SPPL2B: variants seen among roughly 807,000 people sequenced by gnomAD.
The protein encoded by SPPL2B is signal peptide peptidase-like 2B.
Under a neutral mutation model 59.7 loss-of-function variants are expected in SPPL2B, and 39 were observed. That is an observed-to-expected ratio of 0.65 (90% CI 0.51 to 0.85). SPPL2B has a LOEUF of 0.85. SPPL2B is among the 40% of genes least tolerant of loss of function. SPPL2B has a pLI of 0.00. For missense variants in SPPL2B, 865 were observed against 849.0 expected (o/e 1.02, Z -0.23); for synonymous variants, 419 against 370.8 (o/e 1.13, Z -1.49).
intron 5 of SPPL2B, 95 bp from the exon 6 acceptor site, chr19:2,339,729 G>A: frequency 6.8e-7 from 1 of 1,472,782 alleles, no homozygotes; most frequent in Non-Finnish European, 9.2e-7. Context: ...CTGCTCCCGG[G>A]TTTTCTGCCC....
rs759998971 is a variant in SPPL2B, at chr19:2,344,610, C to T, written c.1234C>T (p.Arg412Trp). The T allele has an allele frequency of 1.2e-5, 19 of 1,613,008 alleles. 1 individual carries two copies. In the South Asian group the frequency reaches 1.5e-4, roughly 13 times the overall value. Residue 412 changes from arginine (R) to tryptophan (W), a missense_variant, in exon 12 of 15, where the codon CGG (arginine) becomes TGG (tryptophan). Coordinates refer to ENST00000613503, the MANE Select transcript of SPPL2B (RefSeq NM_152988.3). ...LNSSPLALCD[R>W]PFSLLGFGDI... ...CTCCTCACCTCTGGCCCTGTGTGAC[C>T]GGCCCTTCTCCCTCCTGGGTTTCGG...
At chr19:2,344,504 C>G in intron 11 of SPPL2B, 49 bp from the exon 12 acceptor site, 1 of 1,576,800 alleles carries the variant, frequency 6.3e-7, no homozygotes, top group Non-Finnish European at 8.7e-7. Context: ...AGGCATCCCG[C>G]GGCCGGGTGA....
chr19:2,345,285 A>G lies in SPPL2B; in HGVS notation c.1309A>G (p.Ile437Val). 6.2e-7 allele frequency: 1 copy of G among 1,612,964 alleles called. No homozygotes were observed. The highest frequency in any genetic ancestry group is 8.5e-7 in the Non-Finnish European group (1 of 1,179,672). ...GGTGGCCTACTGCCACAGGTTTGACATCCAGGTACAGTCCTCCAGGGTATA... is the reference window on the plus strand; with the variant it reads ...GGTGGCCTACTGCCACAGGTTTGACGTCCAGGTACAGTCCTCCAGGGTATA... ...LLVAYCHRFD[I>V]QVQSSRVYFV... Residue 437 changes from isoleucine (I) to valine (V), a missense_variant, in exon 13 of 15, where the codon ATC (isoleucine) becomes GTC (valine). By Grantham distance (29) the Ile-to-Val change is conservative. Coordinates refer to ENST00000613503, the MANE Select transcript of SPPL2B (RefSeq NM_152988.3).
Position 2,332,473 on chromosome 19 carries a change from G to A in SPPL2B, c.67-2129G>A, listed in dbSNP as rs1055980115. On this transcript the variant is annotated intron_variant, in intron 1 of 14. Transcript: ENST00000613503. The surrounding 1 kb of genome is among the most constrained non-coding windows in gnomAD (Gnocchi z 4.6). The stretch of plus-strand genomic sequence containing the variant: ...TTTTCCCTTGTGGCGTTGTGGTGTC[G>A]GCCCGTTTGGTGCGCAGCTCAGCAT... 2.0e-5 allele frequency among the ~76,000 whole-genome samples: 3 copies of A among 152,166 alleles called. No homozygotes were observed. Among genetic ancestry groups the A allele is most frequent in the Non-Finnish European group, 4.4e-5 (3 of 68,028 alleles).
intron 8 of SPPL2B, chr19:2,342,998 TG>T: frequency 1.7e-6 from 1 of 575,230 alleles, no homozygotes; most frequent in Non-Finnish European, 3.1e-6. Context: ...GGGTGGGCCC[TG>T]GGGTGGGGCC....
Position 2,353,296 on chromosome 19 carries a change from C to T in SPPL2B, c.*87C>T, listed in dbSNP as rs1219313337. On this transcript the variant is annotated 3_prime_UTR_variant, in exon 15 of 15. Coordinates refer to ENST00000613503, the MANE Select transcript of SPPL2B (RefSeq NM_152988.3). The stretch of plus-strand genomic sequence containing the variant: ...CCACTGGAGACAGACAGACAGACGC[C>T]TGTCCCCCGGGACCGAGGCCTGTGC... 9 of 1,448,236 alleles carry T rather than the reference C, an allele frequency of 6.2e-6. No homozygotes were observed. The highest frequency in any genetic ancestry group is 1.4e-5 in the South Asian group (1 of 72,428). The allele number at this position is 1,448,236 out of a possible 1,614,324, so 89.7% of individuals were successfully genotyped here.
In SPPL2B at chr19:2,352,954, A is replaced by G. The variant is rs765763508; in HGVS notation, c.1524A>G (p.Leu508=). Reference sequence around the variant, plus strand: ...CCTCCCTTCTCCTGTAGAAAGTCCTACCTCCATCTCCGTGGGCCCCAGCAC... The same window carrying G: ...CCTCCCTTCTCCTGTAGAAAGTCCTGCCTCCATCTCCGTGGGCCCCAGCAC... ...FWTGSGFAKV[L]PPSPWAPAPA... The change falls in exon 15 of 15, where the codon CTA becomes CTG. Residue 508 remains leucine, a synonymous_variant. Coordinates refer to ENST00000613503, the MANE Select transcript of SPPL2B (RefSeq NM_152988.3). 3.7e-6 allele frequency: 6 copies of G among 1,609,700 alleles called. No homozygotes were observed. Among genetic ancestry groups the G allele is most frequent in the East Asian group, 4.5e-5 (2 of 44,758 alleles).
At chr19:2,329,066 G>T (rs1287934261) in intron 1 of SPPL2B, among the ~76,000 whole-genome samples, 1 of 152,244 alleles carries the variant, frequency 6.6e-6, no homozygotes, top group Non-Finnish European at 1.5e-5. Flanking sequence ...CTGCTTCTCC[G>T]TTTCGGGGTC....
At chr19:2,349,102 G>A (rs1393094046) in intron 13 of SPPL2B, among the ~76,000 whole-genome samples, 1 of 48,416 alleles carries the variant, frequency 2.1e-5, no homozygotes, top group African/African-American at 8.4e-5. Flanking sequence ...GTTCTCATTC[G>A]CTTGATTCCA....
At chr19:2,339,764 C>T (rs933452379) in intron 5 of SPPL2B, 60 bp from the exon 6 acceptor site, 2 of 1,565,488 alleles carry the variant, frequency 1.3e-6, no homozygotes, top group Non-Finnish European at 1.7e-6. Flanking sequence ...GCTGTGGGCT[C>T]CCGAGCCCCG....
At chr19:2,339,234 G>C (rs367573425) in intron 5 of SPPL2B, 26 bp downstream of exon 5, 1 of 1,594,006 alleles carries the variant, frequency 6.3e-7, no homozygotes, top group African/African-American at 1.3e-5. Context: ...TGCGTGTGCT[G>C]TGACGGGGTC....
In SPPL2B at chr19:2,344,345, A is replaced by G; in HGVS notation, c.1114-17A>G. On this transcript the variant is annotated splice_polypyrimidine_tract_variant and intron_variant, in intron 10 of 14. Coordinates refer to ENST00000613503, the MANE Select transcript of SPPL2B (RefSeq NM_152988.3). ...ACCCCATCACCACGCTCCCTCACTC[A>G]ACCCCATTCTGTGCAGAGTGGGAGC... The G allele has an allele frequency of 8.5e-7, 1 of 1,171,462 alleles. No individual in the cohort carries two copies. Among genetic ancestry groups the G allele is most frequent in the Non-Finnish European group, 1.1e-6 (1 of 907,230 alleles). 72.6% of individuals were successfully genotyped at this position (1,171,462 alleles called of 1,614,324 possible).
intron 14 of SPPL2B, among the ~76,000 whole-genome samples, chr19:2,352,742 C>T (rs1431241860): frequency 6.6e-6 from 1 of 152,206 alleles, no homozygotes; most frequent in Non-Finnish European, 1.5e-5. Flanking sequence ...GGATGGCCCT[C>T]CCGCGGCACC....
chr19:2,340,755 G>A lies in SPPL2B; in HGVS notation c.840-143G>A, dbSNP rs140857322. The A allele has an allele frequency of 1.0e-3, 629 of 605,448 alleles. 3 individuals carry two copies. In the Middle Eastern group the frequency reaches 0.016, roughly 15 times the overall value. 37.5% of individuals were successfully genotyped at this position (605,448 alleles called of 1,614,324 possible). A position where few individuals can be genotyped will look rare whatever the true frequency, so the allele number is the denominator to read the frequency against. On this transcript the variant is annotated intron_variant, in intron 7 of 14. Transcript: ENST00000613503. The stretch of plus-strand genomic sequence containing the variant: ...CCTTGGGGTGCCTACTGTTGTCATC[G>A]TGTGGGATGTGGAGTTTAATGAGGA...
rs1449600937 is a variant in SPPL2B at position 2,351,531 on chromosome 19, G to A, written c.1452G>A (p.Thr484=). Residue 484 remains threonine, a synonymous_variant, in exon 14 of 15, where the codon ACG becomes ACA. Transcript: ENST00000613503. ...LLYLVPCTLV[T]SCAVALWRRE... ...ACCTGGTGCCCTGCACGCTGGTGACGAGCTGCGCTGTGGCGCTCTGGCGCC... is the reference window on the plus strand; with the variant it reads ...ACCTGGTGCCCTGCACGCTGGTGACAAGCTGCGCTGTGGCGCTCTGGCGCC... The A allele has an allele frequency of 6.2e-6, 10 of 1,611,206 alleles. No individual in the cohort carries two copies. The highest frequency in any genetic ancestry group is 4.0e-5 in the African/African-American group (3 of 74,952).
chr19:2,329,541 C>T (rs140058976), intron 1 of SPPL2B, among the ~76,000 whole-genome samples: 35 of 152,302 alleles, frequency 2.3e-4, no homozygotes, highest in Non-Finnish European at 4.7e-4. Context: ...AATCTTCCCT[C>T]TCTCCTGAGT....
At chr19:2,338,873 C>G in intron 4 of SPPL2B, 32 bp downstream of exon 4, 2 of 1,600,226 alleles carry the variant, frequency 1.2e-6, no homozygotes, top group South Asian at 1.1e-5. Flanking sequence ...CCCACGCTCC[C>G]GAGGAGATGG....
At chr19:2,345,426 A>G in intron 13 of SPPL2B, 96 bp downstream of exon 13, 1 of 980,908 alleles carries the variant, frequency 1.0e-6, no homozygotes, top group South Asian at 1.4e-5. Context: ...CCCAACCCCA[A>G]CCCTAACCCT....
At position 2,353,172 on chromosome 19, in the gene SPPL2B, A is replaced by G. The variant is rs754143381; in HGVS notation, c.1742A>G (p.Gln581Arg). The change falls in exon 15 of 15, where the codon CAG (glutamine) becomes CGG (arginine). Residue 581 changes from glutamine to arginine, a missense_variant. By Grantham distance (43) the Gln-to-Arg change is conservative. Coordinates refer to ENST00000613503, the MANE Select transcript of SPPL2B (RefSeq NM_152988.3). ...PAESEGRDQAQPSPVTQPGAS... is the reference protein window; with the variant it reads ...PAESEGRDQARPSPVTQPGAS... ...GAATCCGAGGGCCGGGACCAGGCCC[A>G]GCCGTCCCCGGTAACCCAGCCTGGC... 16 of 1,608,146 alleles carry G rather than the reference A, an allele frequency of 9.9e-6. No homozygotes were observed. Among genetic ancestry groups the G allele is most frequent in the Non-Finnish European group, 9.3e-6 (11 of 1,179,228 alleles).
Sources: gnomAD v4.1 joint callset for allele counts (sites outside exome capture counted in the v4.1 genomes callset) on GRCh38, gnomAD v4.1.1 for gene constraint, Gnocchi (gnomAD v3.1) non-coding constraint, MANE v1.5 for transcripts, NCBI Gene and HGNC (gene_info 2026-07-23, HGNC 2026-07-21) for gene names.